Variants in TYW1 observed in about 807,000 individuals in gnomAD.
TYW1 encodes the protein tRNA-yW synthesizing protein 1 homolog.
In TYW1, 46 loss-of-function variants were observed where a neutral mutation model predicts 96.2. That is an observed-to-expected ratio of 0.48 (90% CI 0.38 to 0.61). The LOEUF (loss-of-function observed/expected upper bound fraction) is 0.61. TYW1 is among the 20% of genes least tolerant of loss of function. The pLI, the probability that TYW1 is intolerant of heterozygous loss-of-function variation, is 0.00. For missense variants in TYW1, 684 were observed against 909.6 expected (o/e 0.75, Z 3.19); for synonymous variants, 274 against 323.0 (o/e 0.85, Z 1.63).
chr7:67,120,054 CA>C, intron 13 of TYW1, among the ~76,000 whole-genome samples: 1 of 151,506 alleles, frequency 6.6e-6, no homozygotes, highest in East Asian at 1.9e-4. Context: ...GCCACTGCTC[CA>C]GGCCTGATAA....
chr7:67,011,456 C>G (rs1390010784), intron 4 of TYW1, among the ~76,000 whole-genome samples: 2 of 152,246 alleles, frequency 1.3e-5, no homozygotes, highest in African/African-American at 4.8e-5. Context: ...TCAAGTGTGG[C>G]CCCTGAGCCA....
At chr7:67,013,944 C>T (rs1047632758) in intron 4 of TYW1, among the ~76,000 whole-genome samples, 53 of 151,788 alleles carry the variant, frequency 3.5e-4, no homozygotes, top group Non-Finnish European at 6.0e-4. Context: ...GAGGTTTCAC[C>T]GTATTAGCCA....
intron 6 of TYW1, among the ~76,000 whole-genome samples, chr7:67,020,607 C>T (rs1412991263): frequency 6.6e-6 from 1 of 152,142 alleles, no homozygotes; most frequent in Non-Finnish European, 1.5e-5. Context: ...ATTGCTGCTG[C>T]TTTCATAAAA....
chr7:67,109,002 G>A (rs1161927535), intron 12 of TYW1, among the ~76,000 whole-genome samples: 1 of 151,860 alleles, frequency 6.6e-6, no homozygotes, highest in Admixed American at 6.6e-5. Context: ...GGCCGGGTGC[G>A]GTGGCTCACG....
chr7:67,036,040 C>CTTTT (rs34975904), intron 7 of TYW1, among the ~76,000 whole-genome samples: 2 of 135,418 alleles, frequency 1.5e-5, no homozygotes, highest in Admixed American at 7.7e-5. Flanking sequence ...TTGATATTTC[C>CTTTT]TTTTTTTTTT....
chr7:67,058,568 C>T (rs1183729629), intron 9 of TYW1, among the ~76,000 whole-genome samples: 6 of 152,026 alleles, frequency 3.9e-5, no homozygotes, highest in Non-Finnish European at 7.4e-5. Flanking sequence ...CTGCAGCCTC[C>T]CACCTCCTGG....
intron 5 of TYW1, among the ~76,000 whole-genome samples, chr7:67,017,525 A>G (rs1314577869): frequency 2.0e-5 from 3 of 151,568 alleles, no homozygotes; most frequent in Non-Finnish European, 4.4e-5. Context: ...TATTTTGTTA[A>G]CTCCTGTTTT....
At chr7:67,208,860 A>G (rs1800904645) in intron 15 of TYW1, among the ~76,000 whole-genome samples, 1 of 152,098 alleles carries the variant, frequency 6.6e-6, no homozygotes, top group African/African-American at 2.4e-5. Context: ...TCATACCTGG[A>G]ATACTTTGTG....
chr7:67,080,009 G>T (rs192837914), intron 10 of TYW1, among the ~76,000 whole-genome samples: 1 of 152,252 alleles, frequency 6.6e-6, no homozygotes, highest in East Asian at 1.9e-4. Flanking sequence ...GTCTGCCCTG[G>T]AGAATATTTT....
rs1243248297 is a variant in TYW1, at chr7:67,098,735, A to G, written c.1562+17A>G. 2.5e-6 allele frequency: 4 copies of G among 1,589,230 alleles called. No homozygotes were observed. The highest frequency in any genetic ancestry group is 1.4e-5 in the African/African-American group (1 of 73,734). On this transcript the variant is annotated intron_variant, in intron 12 of 15. Coordinates refer to ENST00000359626, the MANE Select transcript of TYW1 (RefSeq NM_018264.4). The stretch of plus-strand genomic sequence containing the variant: ...GGAAATCAGGTGAGTTCTCCAGCCT[A>G]TGGAGAGATGCTGCTTGAATCTATG...
intron 13 of TYW1, among the ~76,000 whole-genome samples, chr7:67,167,115 C>T (rs1264602802): frequency 1.3e-5 from 2 of 152,100 alleles, no homozygotes; most frequent in African/African-American, 2.4e-5. Flanking sequence ...TAAGAAGTAG[C>T]CAACTTCAAT....
intron 15 of TYW1, among the ~76,000 whole-genome samples, chr7:67,208,430 G>A (rs1473749008): frequency 1.3e-5 from 2 of 151,618 alleles, no homozygotes; most frequent in South Asian, 2.1e-4. Context: ...GGTGGCTTAC[G>A]CCTGTAATCC....
At chr7:67,169,955 T>G (rs1413160800) in intron 13 of TYW1, among the ~76,000 whole-genome samples, 1 of 152,152 alleles carries the variant, frequency 6.6e-6, no homozygotes, top group East Asian at 1.9e-4. Flanking sequence ...GCACAGAAAG[T>G]TTTAACTTTG....
chr7:67,210,949 G>A (rs1800996248), intron 15 of TYW1, among the ~76,000 whole-genome samples: 1 of 149,986 alleles, frequency 6.7e-6, no homozygotes, highest in Admixed American at 6.7e-5. Context: ...TCCATCATCT[G>A]TCTGTCTGTC....
intron 15 of TYW1, among the ~76,000 whole-genome samples, chr7:67,220,201 ATTTTT>A (rs57595328): frequency 1.1e-5 from 1 of 93,170 alleles, no homozygotes. Context: ...TCATTTATTG[ATTTTT>A]TTTTTTTTTT....
At chr7:67,107,065 C>T (rs1425229169) in intron 12 of TYW1, among the ~76,000 whole-genome samples, 1 of 152,160 alleles carries the variant, frequency 6.6e-6, no homozygotes, top group Non-Finnish European at 1.5e-5. Context: ...TTTAGAGAAC[C>T]TCTATAAACT....
Position 67,093,995 on chromosome 7 carries a change from C to A in TYW1, c.1385-4546C>A, listed in dbSNP as rs532672689. On this transcript the variant is annotated intron_variant, in intron 11 of 15. Transcript: ENST00000359626. Reference sequence around the variant, plus strand: ...CTGATAGGTAATTTTTCAACTCTCACCCCGTCCCATCCTCTTTTGGAGTCT... The same window carrying A: ...CTGATAGGTAATTTTTCAACTCTCAACCCGTCCCATCCTCTTTTGGAGTCT... Among the ~76,000 whole-genome samples the A allele has an allele frequency of 7.9e-5, 12 of 152,286 alleles. No homozygotes were observed. In the East Asian group the frequency reaches 2.1e-3, roughly 27 times the overall value.
chr7:67,075,190 G>T (rs934541819), intron 10 of TYW1, among the ~76,000 whole-genome samples: 6 of 152,182 alleles, frequency 3.9e-5, no homozygotes, highest in African/African-American at 1.4e-4. Context: ...GATATATTGG[G>T]TATTTTTATG....
At chr7:67,042,310 T>G (rs1479777726) in intron 7 of TYW1, among the ~76,000 whole-genome samples, 2 of 151,038 alleles carry the variant, frequency 1.3e-5, no homozygotes, top group East Asian at 3.9e-4. Flanking sequence ...CACCTTGGTA[T>G]TCTACCTCCC....
Sources: allele counts gnomAD v4.1 joint callset (sites outside exome capture counted in the v4.1 genomes callset), GRCh38; gene constraint gnomAD v4.1.1; transcripts MANE v1.5; gene names NCBI Gene and HGNC (gene_info 2026-07-23, HGNC 2026-07-21).